Variants in CEP112 observed in about 807,000 individuals in gnomAD.
CEP112 encodes centrosomal protein 112.
In CEP112, 127 loss-of-function variants were observed where a neutral mutation model predicts 153.0. That is an observed-to-expected ratio of 0.83 (90% CI 0.72 to 0.96). CEP112 has a LOEUF of 0.96. Ranked by LOEUF, CEP112 falls within the 40% of genes least tolerant of loss-of-function variation. The probability of loss-of-function intolerance (pLI) is 0.00; values close to 1 mark genes in which losing one functional copy is unlikely to be tolerated. For missense variants in CEP112, 1,089 were observed against 1,101.2 expected (o/e 0.99, Z 0.16); for synonymous variants, 358 against 374.4 (o/e 0.96, Z 0.51).
chr17:66,092,090 G>T (rs189891436), intron 8 of CEP112, among the ~76,000 whole-genome samples: 15 of 147,984 alleles, frequency 1.0e-4, no homozygotes, highest in Non-Finnish European at 2.2e-4. Flanking sequence ...CACCCAGGCT[G>T]GAGTGCAGTA....
intron 21 of CEP112, among the ~76,000 whole-genome samples, chr17:65,776,257 C>T (rs926394498): frequency 1.4e-4 from 21 of 151,772 alleles, no homozygotes; most frequent in Non-Finnish European, 2.2e-4. Flanking sequence ...TTTTTTGAGA[C>T]GGAGTCTCGC....
chr17:65,855,094 AC>A (rs1420286071), intron 20 of CEP112, among the ~76,000 whole-genome samples: 1 of 152,188 alleles, frequency 6.6e-6, no homozygotes, highest in African/African-American at 2.4e-5. Context: ...AATAAACATA[AC>A]AAAAGCAAAT....
Position 65,937,543 on chromosome 17 carries a change from A to G in CEP112, c.1873-9854T>C, listed in dbSNP as rs1599074702. ...AAGTGAGGAGCCCCTCTGCCCGGCC[A>G]GCCGCCCCGTCCGGGAGGGAGGTGG... On this transcript the variant is annotated intron_variant, in intron 18 of 26. Coordinates refer to ENST00000535342, the MANE Select transcript of CEP112 (RefSeq NM_001199165.4). Among the ~76,000 whole-genome samples, 14 of 117,650 alleles carry G rather than the reference A, an allele frequency of 1.2e-4. No individual in the cohort carries two copies. The East Asian group carries it at 1.3e-3, about 11-fold the overall frequency. The allele number at this position is 117,650 out of a possible 152,430, so 77.2% of individuals were successfully genotyped here.
At chr17:65,775,019 T>C (rs1016783444) in intron 21 of CEP112, among the ~76,000 whole-genome samples, 2 of 152,076 alleles carry the variant, frequency 1.3e-5, no homozygotes, top group Non-Finnish European at 2.9e-5. Context: ...GCTGCTTCTG[T>C]GCTCAATACC....
At chr17:65,960,820 T>C (rs1216677020) in intron 18 of CEP112, among the ~76,000 whole-genome samples, 3 of 152,156 alleles carry the variant, frequency 2.0e-5, no homozygotes, top group Non-Finnish European at 4.4e-5. Context: ...CTCAATTAAT[T>C]ATAATGGATT....
intron 21 of CEP112, among the ~76,000 whole-genome samples, chr17:65,773,534 C>CA (rs2053504410): frequency 6.6e-6 from 1 of 152,008 alleles, no homozygotes; most frequent in African/African-American, 2.4e-5. Flanking sequence ...AGAATGTCTC[C>CA]AAATGTAAAT....
At chr17:65,993,531 G>A (rs2063671911) in intron 17 of CEP112, among the ~76,000 whole-genome samples, 1 of 152,064 alleles carries the variant, frequency 6.6e-6, no homozygotes, top group Admixed American at 6.5e-5. Flanking sequence ...GTTACCAAAA[G>A]AAACATATAA....
chr17:66,051,382 A>G (rs964498588), intron 12 of CEP112, among the ~76,000 whole-genome samples: 2 of 148,592 alleles, frequency 1.3e-5, no homozygotes, highest in African/African-American at 4.9e-5. Context: ...ATAATATTTT[A>G]TGTATATTAA....
chr17:65,687,851 C>T (rs1425613731), intron 24 of CEP112, among the ~76,000 whole-genome samples: 2 of 152,196 alleles, frequency 1.3e-5, no homozygotes, highest in African/African-American at 4.8e-5. Flanking sequence ...ATATAATATG[C>T]CAATATTCCT....
At chr17:65,948,578 A>T (rs1254132265) in intron 18 of CEP112, among the ~76,000 whole-genome samples, 2 of 110,670 alleles carry the variant, frequency 1.8e-5, no homozygotes, top group Admixed American at 1.2e-4. Flanking sequence ...ATATGATTTT[A>T]TATATATATA....
At chr17:65,886,079 A>G (rs1038898781) in intron 20 of CEP112, among the ~76,000 whole-genome samples, 2 of 152,200 alleles carry the variant, frequency 1.3e-5, no homozygotes, top group African/African-American at 2.4e-5. Flanking sequence ...AAGTCCATCA[A>G]ACCTTTTCCC....
At chr17:65,839,378 C>T (rs537108457) in intron 21 of CEP112, among the ~76,000 whole-genome samples, 23 of 151,742 alleles carry the variant, frequency 1.5e-4, no homozygotes, top group Non-Finnish European at 2.8e-4. Flanking sequence ...AAATGTGATA[C>T]ATCACATTAA....
chr17:66,164,682 C>T (rs1249996875), intron 4 of CEP112, among the ~76,000 whole-genome samples: 1 of 151,682 alleles, frequency 6.6e-6, no homozygotes, highest in Non-Finnish European at 1.5e-5. Context: ...ATGGTAAAGC[C>T]CCGTCTCTAC....
rs1448717925 is a variant in CEP112 at position 65,713,887 on chromosome 17, C to T, written c.2608-24669G>A. On this transcript the variant is annotated intron_variant, in intron 23 of 26. Coordinates refer to ENST00000535342, the MANE Select transcript of CEP112 (RefSeq NM_001199165.4). ...ACAGGAGTGAGTCACCACGCCCAGC[C>T]GTCGATTGACTTTCCTTCTTCCATA... Among the ~76,000 whole-genome samples the T allele has an allele frequency of 3.3e-5, 5 of 152,060 alleles. No individual in the cohort carries two copies. The East Asian group carries it at 5.8e-4, about 18-fold the overall frequency.
intron 19 of CEP112, among the ~76,000 whole-genome samples, chr17:65,913,030 T>C (rs1358364701): frequency 2.0e-5 from 3 of 152,238 alleles, no homozygotes; most frequent in Non-Finnish European, 4.4e-5. Flanking sequence ...AGACTCATGA[T>C]GTTAAGATGC....
At chr17:65,714,832 G>A (rs187532910) in intron 23 of CEP112, among the ~76,000 whole-genome samples, 16 of 152,216 alleles carry the variant, frequency 1.1e-4, no homozygotes, top group East Asian at 7.7e-4. Flanking sequence ...ATGATGTTTA[G>A]GGCACATGTA....
chr17:66,073,473 G>A (rs530759894), intron 8 of CEP112, among the ~76,000 whole-genome samples: 10 of 152,176 alleles, frequency 6.6e-5, no homozygotes, highest in Non-Finnish European at 1.5e-4. Flanking sequence ...TGGGATGTGT[G>A]CACCCTGGGT....
chr17:66,050,032 C>T (rs547288913), intron 12 of CEP112, among the ~76,000 whole-genome samples: 1 of 152,012 alleles, frequency 6.6e-6, no homozygotes, highest in South Asian at 2.1e-4. Context: ...ATTTAAAGGG[C>T]TCAAAATAAT....
Position 65,961,525 on chromosome 17 carries a change from C to T in CEP112, c.1810G>A (p.Glu604Lys). ...AGTTCCACCTGCCGCTTAAACTCTTCCAGAGCGGCATCTGCCTGCTGGGCC... is the reference window on the plus strand; with the variant it reads ...AGTTCCACCTGCCGCTTAAACTCTTTCAGAGCGGCATCTGCCTGCTGGGCC... ...LQAQQADAAL[E>K]EFKRQVELNS... The change falls in exon 18 of 27, where the codon GAA becomes AAA. Residue 604 changes from glutamate (E) to lysine (K), a missense_variant. Transcript: ENST00000535342. The T allele has an allele frequency of 6.2e-7, 1 of 1,613,684 alleles. No individual in the cohort carries two copies. The highest frequency in any genetic ancestry group is 8.5e-7 in the Non-Finnish European group (1 of 1,179,662).
Sources: gnomAD v4.1 joint callset for allele counts (sites outside exome capture counted in the v4.1 genomes callset) on GRCh38, gnomAD v4.1.1 for gene constraint, MANE v1.5 for transcripts, NCBI Gene and HGNC (gene_info 2026-07-23, HGNC 2026-07-21) for gene names.